Variants in SHE observed in about 807,000 individuals in gnomAD.
SHE encodes SH2 domain-containing adapter protein E.
In SHE, 11 loss-of-function variants were observed where a neutral mutation model predicts 49.8. The observed-to-expected ratio is 0.22, with a 90% confidence interval of 0.14 to 0.37. The LOEUF (loss-of-function observed/expected upper bound fraction) is 0.37. Ranked by LOEUF, SHE falls within the 10% of genes least tolerant of loss-of-function variation. SHE has a pLI of 1.00. For synonymous variants in SHE, 310 were observed against 278.1 expected (o/e 1.11, Z -1.14); for missense variants, 624 against 655.5 (o/e 0.95, Z 0.52).
chr1:154,497,015 A>T (rs1322813879), intron 2 of SHE, among the ~76,000 whole-genome samples: 1 of 152,060 alleles, frequency 6.6e-6, no homozygotes, highest in Non-Finnish European at 1.5e-5. Context: ...CAAGGCTCTG[A>T]TGTTTTTTAA....
In SHE at chr1:154,501,391, C is replaced by T. The variant is rs776369672; in HGVS notation, c.591+45G>A. The stretch of plus-strand genomic sequence containing the variant: ...CCTAGGGCTTAGCAGGCGCCCAGGG[C>T]TCCCCTTCGACTGAGAGGTGGTCCA... On this transcript the variant is annotated intron_variant, in intron 1 of 5. Coordinates refer to ENST00000304760, the MANE Select transcript of SHE (RefSeq NM_001010846.3). The T allele has an allele frequency of 2.5e-6, 4 of 1,585,814 alleles. No homozygotes were observed. In the East Asian group the frequency reaches 8.9e-5, roughly 35 times the overall value.
chr1:154,491,094 T>C (rs1035609127), intron 2 of SHE, among the ~76,000 whole-genome samples: 1 of 152,158 alleles, frequency 6.6e-6, no homozygotes, highest in Non-Finnish European at 1.5e-5. Context: ...GTCTATATTA[T>C]AGACCAACAG....
At chr1:154,477,720 G>GT (rs1691912363), downstream of SHE, among the ~76,000 whole-genome samples, 1 of 151,838 alleles carries the variant, frequency 6.6e-6, no homozygotes, top group African/African-American at 2.4e-5. Flanking sequence ...GTGAAACCCC[G>GT]TTTCTACTAA....
rs1403401126 is a variant in SHE, at chr1:154,502,191, C to T, written c.-165G>A. The stretch of plus-strand genomic sequence containing the variant: ...CTCCGGACACGGCAGGCGACAGGCA[C>T]GACGCGCGGGGGGCCCCGCCCGGGC... On this transcript the variant is annotated 5_prime_UTR_variant, in exon 1 of 6. The change creates a new upstream start codon in the 5' untranslated region. Coordinates refer to ENST00000304760, the MANE Select transcript of SHE (RefSeq NM_001010846.3). 2 of 429,426 alleles carry T rather than the reference C, an allele frequency of 4.7e-6. No homozygotes were observed. Among genetic ancestry groups the T allele is most frequent in the Non-Finnish European group, 7.0e-6 (2 of 286,432 alleles). 26.6% of individuals were successfully genotyped at this position (429,426 alleles called of 1,614,324 possible).
rs574394236 is a variant in SHE at position 154,496,226 on chromosome 1, C to T, written c.718+2886G>A. On this transcript the variant is annotated intron_variant, in intron 2 of 5. Coordinates refer to ENST00000304760, the MANE Select transcript of SHE (RefSeq NM_001010846.3). ...CTAAATGAAGAAACTTTAAAATCCA[C>T]GAGTACAACTTTTTTAAAGTTAAGA... is the stretch of plus-strand genomic sequence containing the variant. Among the ~76,000 whole-genome samples the T allele has an allele frequency of 7.2e-5, 11 of 152,206 alleles. No homozygotes were observed. In the South Asian group the frequency reaches 1.5e-3, roughly 20 times the overall value.
At chr1:154,491,835 C>T (rs923373814) in intron 2 of SHE, among the ~76,000 whole-genome samples, 27 of 152,016 alleles carry the variant, frequency 1.8e-4, no homozygotes, top group African/African-American at 6.0e-4. Flanking sequence ...GAGAAAAGGA[C>T]GGCAGATTGA....
At chr1:154,499,043 G>A (rs182199845) in intron 2 of SHE, 69 bp downstream of exon 2, 14 of 1,559,994 alleles carry the variant, frequency 9.0e-6, no homozygotes, top group African/African-American at 4.1e-5. Flanking sequence ...AATAGACACC[G>A]GTTACTATAT....
chr1:154,487,203 C>CA (rs1462162895), intron 3 of SHE, among the ~76,000 whole-genome samples: 1 of 147,794 alleles, frequency 6.8e-6, no homozygotes, highest in Admixed American at 6.8e-5. Context: ...ACCCGGGAGG[C>CA]AGAGGTTGCA....
intron 5 of SHE, 107 bp downstream of exon 5, chr1:154,485,836 A>G: frequency 1.4e-6 from 2 of 1,385,218 alleles, no homozygotes; most frequent in Non-Finnish European, 2.0e-6. Flanking sequence ...ATTTTCTGCA[A>G]TGCACACCCC....
At chr1:154,487,280 A>G (rs1692208705) in intron 3 of SHE, among the ~76,000 whole-genome samples, 1 of 151,992 alleles carries the variant, frequency 6.6e-6, no homozygotes, top group African/African-American at 2.4e-5. Flanking sequence ...CAAAAAAAAA[A>G]AAAAAGCCAA....
intron 1 of SHE, among the ~76,000 whole-genome samples, chr1:154,472,673 T>C (rs556166900): frequency 2.6e-5 from 4 of 152,316 alleles, no homozygotes; most frequent in African/African-American, 9.6e-5. Flanking sequence ...GTGATGCTGC[T>C]GTACAGCCAG....
Position 154,482,835 on chromosome 1 carries a change from G to C in SHE, c.*1314C>G. The C allele has an allele frequency of 2.0e-6, 2 of 985,360 alleles. No homozygotes were observed. The highest frequency in any genetic ancestry group is 1.7e-5 in the African/African-American group (1 of 57,326). 61.0% of individuals were successfully genotyped at this position (985,360 alleles called of 1,614,324 possible). A position where few individuals can be genotyped will look rare whatever the true frequency, so the allele number is the denominator to read the frequency against. ...CTGTATAGTACAAGGCAGTCTGCTT[G>C]GTACAGAACGAGAGAATCTTTGTAG... On this transcript the variant is annotated 3_prime_UTR_variant, in exon 6 of 6. Transcript: ENST00000304760.
chr1:154,480,762 T>G lies in SHE; in HGVS notation c.*3387A>C. ...ACATATTAACACTTCTCCATTATTT[T>G]ATTCCTAGCTTAAATACACACAAGG... On this transcript the variant is annotated 3_prime_UTR_variant, in exon 6 of 6. Transcript: ENST00000304760. The G allele has an allele frequency of 3.0e-6, 3 of 985,452 alleles. No homozygotes were observed. Among genetic ancestry groups the G allele is most frequent in the Non-Finnish European group, 3.6e-6 (3 of 829,932 alleles). 61.0% of individuals were successfully genotyped at this position (985,452 alleles called of 1,614,324 possible). A position where few individuals can be genotyped will look rare whatever the true frequency, so the allele number is the denominator to read the frequency against.
rs1382090858 is a variant in SHE, at chr1:154,502,176, G to C, written c.-150C>G. The C allele has an allele frequency of 3.8e-6, 2 of 530,124 alleles. No individual in the cohort carries two copies. Among genetic ancestry groups the C allele is most frequent in the Middle Eastern group, 1.3e-3 (2 of 1,536 alleles). The allele number at this position is 530,124 out of a possible 1,614,324, so 32.8% of individuals were successfully genotyped here. A position where few individuals can be genotyped will look rare whatever the true frequency, so the allele number is the denominator to read the frequency against. On this transcript the variant is annotated 5_prime_UTR_variant, in exon 1 of 6. Transcript: ENST00000304760. Reference sequence around the variant, plus strand: ...GGGCGCTAGCCTCTGCTCCGGACACGGCAGGCGACAGGCACGACGCGCGGG... The same window carrying C: ...GGGCGCTAGCCTCTGCTCCGGACACCGCAGGCGACAGGCACGACGCGCGGG...
rs1209088316 is a variant in SHE, at chr1:154,481,658, AAAC to A, written c.*2488_*2490del. On this transcript the variant is annotated 3_prime_UTR_variant, in exon 6 of 6. Transcript: ENST00000304760. Reference sequence around the variant, plus strand: ...CCCTTTGTAGAATAAGGTTAAGTAAAAACGTTTCATTTCTAGAATGTTAAACTA... The same window carrying A: ...CCCTTTGTAGAATAAGGTTAAGTAAAGTTTCATTTCTAGAATGTTAAACTA... The A allele has an allele frequency of 2.0e-6, 2 of 979,738 alleles. No homozygotes were observed. The highest frequency in any genetic ancestry group is 2.3e-4 in the East Asian group (2 of 8,798). The allele number at this position is 979,738 out of a possible 1,614,324, so 60.7% of individuals were successfully genotyped here. A position where few individuals can be genotyped will look rare whatever the true frequency, so the allele number is the denominator to read the frequency against.
Position 154,479,495 on chromosome 1 carries a change from T to C in SHE, c.*4654A>G, listed in dbSNP as rs749286351. Reference sequence around the variant, plus strand: ...AACCACTGTAGTTTTCTTGGAATAATGTTTATTTAAAGTTACATTTCAGAG... The same window carrying C: ...AACCACTGTAGTTTTCTTGGAATAACGTTTATTTAAAGTTACATTTCAGAG... On this transcript the variant is annotated 3_prime_UTR_variant, in exon 6 of 6. Coordinates refer to ENST00000304760, the MANE Select transcript of SHE (RefSeq NM_001010846.3). 12 of 985,196 alleles carry C rather than the reference T, an allele frequency of 1.2e-5. No homozygotes were observed. Among genetic ancestry groups the C allele is most frequent in the Admixed American group, 1.2e-4 (2 of 16,268 alleles). 61.0% of individuals were successfully genotyped at this position (985,196 alleles called of 1,614,324 possible).
chr1:154,487,196 C>T (rs540257494), intron 3 of SHE, among the ~76,000 whole-genome samples: 3 of 146,776 alleles, frequency 2.0e-5, no homozygotes, highest in Non-Finnish European at 3.0e-5. Context: ...CACTTGAACC[C>T]GGGAGGCAGA....
chr1:154,501,305 ATGG>A, intron 1 of SHE, 128 bp downstream of exon 1: 1 of 807,998 alleles, frequency 1.2e-6, no homozygotes, highest in African/African-American at 1.7e-5. Flanking sequence ...GAATTCCCAA[ATGG>A]TGGAGGGAGA....
At position 154,489,508 on chromosome 1, in the gene SHE, T is replaced by A. The variant is rs531445112; in HGVS notation, c.719-152A>T. On this transcript the variant is annotated intron_variant, in intron 2 of 5. Coordinates refer to ENST00000304760, the MANE Select transcript of SHE (RefSeq NM_001010846.3). The stretch of plus-strand genomic sequence containing the variant: ...AGATAACTCCAAGATTGCTCCCTGA[T>A]AGGTTGATTACTTCTCAGCTGTGTT... The A allele has an allele frequency of 4.1e-5, 39 of 951,830 alleles. No individual in the cohort carries two copies. The African/African-American group carries it at 5.8e-4, about 14-fold the overall frequency. The allele number at this position is 951,830 out of a possible 1,614,324, so 59.0% of individuals were successfully genotyped here.
Sources: gnomAD v4.1 joint callset for allele counts (sites outside exome capture counted in the v4.1 genomes callset) on GRCh38, gnomAD v4.1.1 for gene constraint, MANE v1.5 for transcripts, NCBI Gene and HGNC (gene_info 2026-07-23, HGNC 2026-07-21) for gene names.